Variants in STK39 observed in about 807,000 individuals in gnomAD.
STK39 encodes STE20/SPS1-related proline-alanine-rich protein kinase.
A neutral mutation model predicts 77.8 loss-of-function variants in STK39; 20 were observed. The ratio of observed to expected loss-of-function variants is 0.26; its 90% CI spans 0.18 to 0.37. The LOEUF is 0.37. Among genes scored for constraint, STK39 ranks in the 10% least tolerant of loss-of-function variants. The pLI is 1.00. For missense variants in STK39, 479 were observed against 656.5 expected, an observed-to-expected ratio of 0.73 and a Z score of 2.95; for synonymous variants, 246 against 234.1, an observed-to-expected ratio of 1.05 and a Z score of -0.47.
At chr2:167,976,947 A>G (rs1453560577) in intron 16 of STK39, among the ~76,000 whole-genome samples, 1 of 152,194 alleles carries the variant, frequency 6.6e-6, no homozygotes, top group African/African-American at 2.4e-5. Flanking sequence ...GATGGTTACA[A>G]TTCTAGGAAT....
At chr2:167,988,309 G>A (rs1056203955) in intron 16 of STK39, among the ~76,000 whole-genome samples, 2 of 152,076 alleles carry the variant, frequency 1.3e-5, no homozygotes, top group Non-Finnish European at 2.9e-5. Flanking sequence ...CAAAGAAGTC[G>A]CAGGCATATA....
chr2:168,061,242 C>CAA (rs35903727), intron 14 of STK39, among the ~76,000 whole-genome samples: 59 of 124,272 alleles, frequency 4.7e-4, no homozygotes, highest in Middle Eastern at 4.1e-3. Flanking sequence ...GTGTGGATTA[C>CAA]AAAAAAAAAA....
At chr2:168,152,399 G>A (rs1399493939) in intron 5 of STK39, among the ~76,000 whole-genome samples, 2 of 152,210 alleles carry the variant, frequency 1.3e-5, no homozygotes, top group Admixed American at 1.3e-4. Context: ...TGCAGCTAAT[G>A]AAGGGTTATT....
chr2:167,975,957 G>A (rs775493992), intron 16 of STK39, among the ~76,000 whole-genome samples: 6 of 152,198 alleles, frequency 3.9e-5, no homozygotes, highest in Non-Finnish European at 7.3e-5. Context: ...TTTGCTGAAG[G>A]AGGCATTTGC....
At chr2:168,132,045 A>G (rs1687710727) in intron 8 of STK39, among the ~76,000 whole-genome samples, 1 of 152,236 alleles carries the variant, frequency 6.6e-6, no homozygotes, top group South Asian at 2.1e-4. Context: ...GCAGCAGCAC[A>G]TTCAAACACC....
At chr2:168,006,132 C>G (rs1308522289) in intron 16 of STK39, among the ~76,000 whole-genome samples, 1 of 152,170 alleles carries the variant, frequency 6.6e-6, no homozygotes, top group Non-Finnish European at 1.5e-5. Context: ...TATAAAAACA[C>G]AGCAAAGGGC....
intron 16 of STK39, among the ~76,000 whole-genome samples, chr2:167,995,099 AT>A (rs1213880282): frequency 4.7e-5 from 4 of 85,890 alleles, no homozygotes; most frequent in Non-Finnish European, 1.2e-4. Flanking sequence ...TTATATATAT[AT>A]TTTTCTTTTG....
intron 14 of STK39, among the ~76,000 whole-genome samples, chr2:168,050,693 G>A (rs1685372397): frequency 6.6e-6 from 1 of 152,152 alleles, no homozygotes; most frequent in Non-Finnish European, 1.5e-5. Flanking sequence ...CTCCAGAAAG[G>A]AATGCAGCCC....
intron 1 of STK39, among the ~76,000 whole-genome samples, chr2:168,184,964 C>G (rs6734481): frequency 0.44 from 66,255 of 151,958 alleles, 16,597 homozygotes; most frequent in East Asian, 0.77. Context: ...ATAATACCAA[C>G]ACTGTCTTGC....
At chr2:168,087,641 A>C (rs1686404318) in intron 10 of STK39, among the ~76,000 whole-genome samples, 4 of 152,160 alleles carry the variant, frequency 2.6e-5, no homozygotes, top group Admixed American at 1.3e-4. Context: ...CGCCCCCATA[A>C]ATCAAGTAAG....
At chr2:168,144,215 G>A (rs1688072351) in intron 5 of STK39, among the ~76,000 whole-genome samples, 1 of 152,198 alleles carries the variant, frequency 6.6e-6, no homozygotes, top group Admixed American at 6.5e-5. Context: ...TTAGGCCTAA[G>A]GCTAGACTAT....
Position 168,247,415 on chromosome 2 carries a change from C to T in STK39, c.21G>A (p.Ser7=), listed in dbSNP as rs890637677. 8.2e-7 allele frequency: 1 copy of T among 1,222,106 alleles called. No individual in the cohort carries two copies. The highest frequency in any genetic ancestry group is 1.0e-6 in the Non-Finnish European group (1 of 972,800). 75.7% of individuals were successfully genotyped at this position (1,222,106 alleles called of 1,614,324 possible). Reference sequence around the variant, plus strand: ...GCTGGGGAAGCTGGACGTGCACGGGCGAGCCGCTCGGCTCCGCCATGATGC... The same window carrying T: ...GCTGGGGAAGCTGGACGTGCACGGGTGAGCCGCTCGGCTCCGCCATGATGC... The part of the protein sequence containing the change: MAEPSG[S]PVHVQLPQQA... The change falls in exon 1 of 18, where the codon TCG becomes TCA. Residue 7 remains serine (S), a synonymous_variant. Coordinates refer to ENST00000355999, the MANE Select transcript of STK39 (RefSeq NM_013233.3).
chr2:167,986,542 A>T (rs1478522312), intron 16 of STK39, among the ~76,000 whole-genome samples: 3 of 152,194 alleles, frequency 2.0e-5, no homozygotes, highest in Non-Finnish European at 4.4e-5. Context: ...CTCTTAGATA[A>T]AGAGAGAGGA....
intron 5 of STK39, among the ~76,000 whole-genome samples, chr2:168,144,119 C>A (rs1413644084): frequency 2.0e-5 from 3 of 152,098 alleles, no homozygotes; most frequent in Non-Finnish European, 4.4e-5. Flanking sequence ...GGAGGATCTG[C>A]AGGTATGGTT....
chr2:167,995,581 A>G (rs949319366), intron 16 of STK39, among the ~76,000 whole-genome samples: 18 of 152,276 alleles, frequency 1.2e-4, no homozygotes, highest in African/African-American at 4.1e-4. Context: ...TGCCCATCAG[A>G]AGGATACAGA....
intron 1 of STK39, among the ~76,000 whole-genome samples, chr2:168,195,274 C>A (rs1689439800): frequency 6.6e-6 from 1 of 152,102 alleles, no homozygotes; most frequent in African/African-American, 2.4e-5. Flanking sequence ...GTGGCACATA[C>A]CTGTAGTCCT....
At position 168,083,743 on chromosome 2, in the gene STK39, T is replaced by C. The variant is rs138995244; in HGVS notation, c.1090-8512A>G. Among the ~76,000 whole-genome samples, 694 of 151,826 alleles carry C rather than the reference T, an allele frequency of 4.6e-3. 2 individuals are homozygous for C. Among genetic ancestry groups the C allele is most frequent in the Non-Finnish European group, 5.5e-3 (374 of 67,966 alleles). ...GATCTAGGGGGCTGGTTTCAGAAAA[T>C]GGCTAAGAGCAAGGCTGGAAAAGTT... On this transcript the variant is annotated intron_variant, in intron 10 of 17. Transcript: ENST00000355999.
chr2:168,138,169 T>G lies in STK39; in HGVS notation c.893A>C (p.Glu298Ala). The change falls in exon 8 of 18, where the codon GAG becomes GCG. Residue 298 changes from glutamate (E) to alanine (A), a missense_variant. Transcript: ENST00000355999. ...NDPPTLETGV[E>A]DKEMMKKYGK... ...GTACTTTTTCATCATTTCTTTATCC[T>G]CTACCCCTGTTTCCAAAGTGGGTGG... 1 of 1,613,972 alleles carries G rather than the reference T, an allele frequency of 6.2e-7. No individual in the cohort carries two copies. The highest frequency in any genetic ancestry group is 8.5e-7 in the Non-Finnish European group (1 of 1,179,920).
intron 1 of STK39, among the ~76,000 whole-genome samples, chr2:168,185,001 ATTAGT>A (rs1689173101): frequency 6.6e-6 from 1 of 152,206 alleles, no homozygotes; most frequent in African/African-American, 2.4e-5. Flanking sequence ...CACTTTGCTG[ATTAGT>A]TTAAGAGGAA....
Sources: allele counts gnomAD v4.1 joint callset (sites outside exome capture counted in the v4.1 genomes callset), GRCh38; gene constraint gnomAD v4.1.1; transcripts MANE v1.5; gene names NCBI Gene and HGNC (gene_info 2026-07-23, HGNC 2026-07-21).